POLE: variants seen among roughly 807,000 people sequenced by gnomAD.
The protein encoded by POLE is DNA polymerase epsilon, catalytic subunit.
In POLE, 188 loss-of-function variants were observed where a neutral mutation model predicts 279.2. That is an observed-to-expected ratio of 0.67 (90% CI 0.60 to 0.76). The LOEUF is 0.76. Among genes scored for constraint, POLE ranks in the 30% least tolerant of loss-of-function variants. The pLI is 0.00. For synonymous variants in POLE, 1,214 were observed against 1,172.5 expected, an observed-to-expected ratio of 1.04 and a Z score of -0.72; for missense variants, 2,703 against 3,016.7, an observed-to-expected ratio of 0.90 and a Z score of 2.44.
chr12:132,641,974 C>T, intron 38 of POLE, 123 bp from the exon 39 acceptor site: 1 of 1,000,676 alleles, frequency 1.0e-6, no homozygotes, highest in South Asian at 1.5e-5. Context: ...CACCCATCCT[C>T]ACACCTGCCA....
At chr12:132,685,519 G>A (rs1439720645) in intron 1 of POLE, among the ~76,000 whole-genome samples, 2 of 152,256 alleles carry the variant, frequency 1.3e-5, no homozygotes, top group Non-Finnish European at 1.5e-5. Flanking sequence ...TTTTAAGGAT[G>A]AGATGAGGTA....
At position 132,670,845 on chromosome 12, in the gene POLE, G is replaced by A. The variant is rs1467829890; in HGVS notation, c.1794+1370C>T. ...TTCAGACAAGGCTCTCTTCCTGATC[G>A]GTTCATAAGAGTTCCCTGAAGTATA... On this transcript the variant is annotated intron_variant, in intron 16 of 48. Transcript: ENST00000320574. 3.9e-5 allele frequency among the ~76,000 whole-genome samples: 6 copies of A among 152,226 alleles called. No homozygotes were observed. In the East Asian group the frequency reaches 1.2e-3, roughly 29 times the overall value.
rs5744960 is a variant in POLE, at chr12:132,639,662, C to T, written c.5379-364G>A. ...AAGCCACTGCCTAGACATCAGAACA[C>T]CACACTAGGCCGGATGCAGAGGCTC... On this transcript the variant is annotated intron_variant, in intron 39 of 48. Transcript: ENST00000320574. This position sits in a 1 kb window ranked among gnomAD's most constrained non-coding sequence, Gnocchi z 4.7. Among the ~76,000 whole-genome samples, 75,916 of 152,032 alleles carry T rather than the reference C, an allele frequency of 0.5. 19,562 individuals are homozygous for T. The highest frequency in any genetic ancestry group is 0.7 in the East Asian group (3,621 of 5,170).
At chr12:132,631,383 A>G (rs2041930099) in intron 45 of POLE, among the ~76,000 whole-genome samples, 1 of 152,192 alleles carries the variant, frequency 6.6e-6, no homozygotes, top group Non-Finnish European at 1.5e-5. Flanking sequence ...AAATCACAGA[A>G]CTGCACGCCA....
chr12:132,667,477 A>G (rs746421552), intron 20 of POLE, 26 bp downstream of exon 20: 3 of 1,612,130 alleles, frequency 1.9e-6, no homozygotes, highest in South Asian at 1.1e-5. Context: ...CACAGAGGCC[A>G]AAGCTTGCAG....
intron 29 of POLE, chr12:132,650,289 T>C (rs1266055760): frequency 9.9e-6 from 2 of 202,320 alleles, no homozygotes; most frequent in Non-Finnish European, 2.0e-5. Flanking sequence ...TCACCTGAAA[T>C]GGGATGTTCG....
At chr12:132,667,711 G>A (rs2135971977) in intron 19 of POLE, 63 bp from the exon 20 acceptor site, 1 of 1,549,138 alleles carries the variant, frequency 6.5e-7, no homozygotes, top group East Asian at 2.3e-5. Flanking sequence ...GGGAGCCAGG[G>A]CACAGGGGTG....
chr12:132,679,843 C>T, intron 5 of POLE, 111 bp downstream of exon 5: 6 of 976,008 alleles, frequency 6.1e-6, no homozygotes, highest in Non-Finnish European at 9.4e-6. Context: ...GTCACCACAC[C>T]GCCCCATCAC....
At position 132,634,222 on chromosome 12, in the gene POLE, C is replaced by G. The variant is rs1313175914; in HGVS notation, c.5968G>C (p.Ala1990Pro). ...ATGAGGAAGTAGTTCTGGCAGGAGG[C>G]TGCCTGTGGCAAAAACTGCAAAATG... ...WNILQFLPQAASCQNYFLMIV... is the reference protein window; with the variant it reads ...WNILQFLPQAPSCQNYFLMIV... The change falls in exon 43 of 49, where the codon GCC (alanine) becomes CCC (proline). Residue 1990 changes from alanine to proline, a missense_variant. By Grantham distance (27) the Ala-to-Pro change is conservative. Transcript: ENST00000320574. This position sits in a 1 kb window ranked among gnomAD's most constrained non-coding sequence, Gnocchi z 4.0. 6.2e-7 allele frequency: 1 copy of G among 1,613,706 alleles called. No individual in the cohort carries two copies. The highest frequency in any genetic ancestry group is 8.5e-7 in the Non-Finnish European group (1 of 1,179,740).
chr12:132,634,873 C>T lies in POLE; in HGVS notation c.5812-495G>A, dbSNP rs2042003967. Among the ~76,000 whole-genome samples the T allele has an allele frequency of 6.6e-6, 1 of 152,194 alleles. No individual in the cohort carries two copies. Among genetic ancestry groups the T allele is most frequent in the Non-Finnish European group, 1.5e-5 (1 of 68,032 alleles). ...GATCCCCTCCTCAGAGCGGTCTACA[C>T]TGCCTGAGTTTCTACCCTCCCACTT... On this transcript the variant is annotated intron_variant, in intron 42 of 48. Coordinates refer to ENST00000320574, the MANE Select transcript of POLE (RefSeq NM_006231.4). This position sits in a 1 kb window ranked among gnomAD's most constrained non-coding sequence, Gnocchi z 4.0.
Position 132,641,755 on chromosome 12 carries a change from C to A in POLE, c.5270G>T (p.Ser1757Ile), listed in dbSNP as rs878854882. ...GGAGGCCTGCTGGATCACGTCGAAG[C>A]TGATCCCCATGCTGTCGGCCCCCTC... is the stretch of plus-strand genomic sequence containing the variant. ...DMEGADSMGI[S>I]FDVIQQASLE... The change falls in exon 39 of 49, where the codon AGC becomes ATC. Residue 1757 changes from serine (S) to isoleucine (I), a missense_variant. Ser to Ile is a moderately radical substitution (Grantham distance 142). This residue lies in a region of POLE where 1,551 missense variants were observed against 1,686.1 expected (regional missense o/e 0.92). Transcript: ENST00000320574. 12 of 1,611,482 alleles carry A rather than the reference C, an allele frequency of 7.4e-6. No individual in the cohort carries two copies. The highest frequency in any genetic ancestry group is 1.0e-5 in the Non-Finnish European group (12 of 1,179,920).
intron 23 of POLE, 78 bp downstream of exon 23, chr12:132,663,926 A>T (rs1323665879): frequency 1.6e-5 from 24 of 1,488,038 alleles, no homozygotes; most frequent in Non-Finnish European, 1.6e-5. Context: ...GCACACTGTG[A>T]GGTGCTGCAG....
chr12:132,648,836 T>C (rs1233304538), intron 32 of POLE, 93 bp downstream of exon 32: 2 of 1,333,194 alleles, frequency 1.5e-6, no homozygotes, highest in African/African-American at 2.9e-5. Context: ...CATAAGGTAC[T>C]GAGGAGATGG....
chr12:132,682,247 A>T (rs1345267242), intron 1 of POLE, among the ~76,000 whole-genome samples: 7 of 149,188 alleles, frequency 4.7e-5, no homozygotes, highest in Non-Finnish European at 8.9e-5. Context: ...TGAGCCGAGA[A>T]CGCGCCACCA....
chr12:132,628,159 T>C (rs576145612), intron 45 of POLE, among the ~76,000 whole-genome samples: 55 of 151,880 alleles, frequency 3.6e-4, no homozygotes, highest in South Asian at 8.3e-4. Context: ...CTGGCTAACA[T>C]GGTGAAACCC....
rs909529618 is a variant in POLE, at chr12:132,639,689, C to T, written c.5379-391G>A. Among the ~76,000 whole-genome samples the T allele has an allele frequency of 6.6e-5, 10 of 152,232 alleles. No individual in the cohort carries two copies. The highest frequency in any genetic ancestry group is 1.9e-4 in the African/African-American group (8 of 41,446). Reference sequence around the variant, plus strand: ...ACACTAGGCCGGATGCAGAGGCTCACGCCTGTAATCCCACCACTTTGGGAG... The same window carrying T: ...ACACTAGGCCGGATGCAGAGGCTCATGCCTGTAATCCCACCACTTTGGGAG... On this transcript the variant is annotated intron_variant, in intron 39 of 48. Transcript: ENST00000320574. This position sits in a 1 kb window ranked among gnomAD's most constrained non-coding sequence, Gnocchi z 4.7.
intron 29 of POLE, 38 bp from the exon 30 acceptor site, chr12:132,649,927 C>T (rs752830078): frequency 8.2e-6 from 13 of 1,587,258 alleles, no homozygotes; most frequent in South Asian, 3.3e-5. Context: ...CTCAGGATCT[C>T]GGGCTGCGCA....
rs2136015227 is a variant in POLE, at chr12:132,676,530, G to A, written c.909+16C>T. 2 of 1,564,314 alleles carry A rather than the reference G, an allele frequency of 1.3e-6. No homozygotes were observed. The highest frequency in any genetic ancestry group is 1.8e-6 in the Non-Finnish European group (2 of 1,134,460). On this transcript the variant is annotated intron_variant, in intron 9 of 48. Transcript: ENST00000320574. ...CCCCATCCCAGGAGCTTACTTCCCA[G>A]AAGCCACCTGCTCACCTGGCCATCG...
Position 132,675,554 on chromosome 12 carries a change from G to T in POLE, c.1107-37C>A, listed in dbSNP as rs1463332001. 6.8e-6 allele frequency: 11 copies of T among 1,612,468 alleles called. No individual in the cohort carries two copies. Among genetic ancestry groups the T allele is most frequent in the Non-Finnish European group, 9.3e-6 (11 of 1,179,406 alleles). On this transcript the variant is annotated intron_variant, in intron 11 of 48. Transcript: ENST00000320574. This position sits in a 1 kb window ranked among gnomAD's most constrained non-coding sequence, Gnocchi z 4.3. ...AGAGGACAGACAAGCAAGTGGGCAG[G>T]TCAGGCTCTAATGCCCCTTTCTCCA...
Sources: allele counts gnomAD v4.1 joint callset (sites outside exome capture counted in the v4.1 genomes callset), GRCh38; gene constraint gnomAD v4.1.1; regional missense constraint gnomAD v4.1.1; non-coding constraint Gnocchi (gnomAD v3.1); transcripts MANE v1.5; gene names NCBI Gene and HGNC (gene_info 2026-07-23, HGNC 2026-07-21).